PCP4: variants seen among roughly 807,000 people sequenced by gnomAD.
PCP4 encodes calmodulin regulator protein PCP4.
Under a neutral mutation model 10.0 loss-of-function variants are expected in PCP4, and 8 were observed. The ratio of observed to expected loss-of-function variants is 0.80; its 90% CI spans 0.47 to 1.45. PCP4 has a LOEUF of 1.45. Among genes scored for constraint, PCP4 ranks in the 40% most tolerant of loss-of-function variants. PCP4 has a pLI of 0.00. For missense variants in PCP4, 54 were observed against 74.4 expected (o/e 0.73, Z 1.01); for synonymous variants, 21 against 23.0 (o/e 0.91, Z 0.24).
At chr21:39,870,466 T>A (rs1422293230) in intron 1 of PCP4, among the ~76,000 whole-genome samples, 1 of 152,150 alleles carries the variant, frequency 6.6e-6, no homozygotes, top group African/African-American at 2.4e-5. Flanking sequence ...CATCACAGCC[T>A]CAGTTTACAA....
Position 39,927,318 on chromosome 21 carries a change from CT to C in PCP4, c.62-1665del, listed in dbSNP as rs1568863757. Among the ~76,000 whole-genome samples, 191 of 111,870 alleles carry C rather than the reference CT, an allele frequency of 1.7e-3. 2 individuals are homozygous for C. Among genetic ancestry groups the C allele is most frequent in the South Asian group, 3.9e-3 (12 of 3,110 alleles). 73.4% of individuals were successfully genotyped at this position (111,870 alleles called of 152,430 possible). A position where few individuals can be genotyped will look rare whatever the true frequency, so the allele number is the denominator to read the frequency against. ...TCTATCTATCTATCTATCTATCTATCTATCATCTATCTATCTATCTGTCTAT... is the reference window on the plus strand; with the variant it reads ...TCTATCTATCTATCTATCTATCTATCATCATCTATCTATCTATCTGTCTAT... On this transcript the variant is annotated intron_variant, in intron 2 of 2. Coordinates refer to ENST00000328619, the MANE Select transcript of PCP4 (RefSeq NM_006198.3).
At chr21:39,896,246 T>G (rs8134479) in intron 1 of PCP4, among the ~76,000 whole-genome samples, 87 of 152,358 alleles carry the variant, frequency 5.7e-4, no homozygotes, top group African/African-American at 2.0e-3. Context: ...TTGCCTTCCA[T>G]TTAATTTGAC....
At chr21:39,880,118 ATATCTATATCTG>A (rs1294646277) in intron 1 of PCP4, among the ~76,000 whole-genome samples, 16 of 137,996 alleles carry the variant, frequency 1.2e-4, no homozygotes, top group Admixed American at 2.9e-4. Context: ...ATCTATATCT[ATATCTATATCTG>A]TATCTATATC....
At position 39,880,355 on chromosome 21, in the gene PCP4, G is replaced by A. The variant is rs367796311; in HGVS notation, c.9+12845G>A. Among the ~76,000 whole-genome samples, 17 of 152,314 alleles carry A rather than the reference G, an allele frequency of 1.1e-4. No homozygotes were observed. The East Asian group carries it at 3.3e-3, about 29-fold the overall frequency. On this transcript the variant is annotated intron_variant, in intron 1 of 2. Coordinates refer to ENST00000328619, the MANE Select transcript of PCP4 (RefSeq NM_006198.3). Reference sequence around the variant, plus strand: ...TTGAATAAGAAACTATTGTGTTCAAGCATCAGCTTGGCTGGTGCTGAGGAC... The same window carrying A: ...TTGAATAAGAAACTATTGTGTTCAAACATCAGCTTGGCTGGTGCTGAGGAC...
intron 1 of PCP4, among the ~76,000 whole-genome samples, chr21:39,893,502 A>G (rs1034683384): frequency 1.3e-5 from 2 of 152,210 alleles, no homozygotes; most frequent in African/African-American, 2.4e-5. Flanking sequence ...AAGCTGTGTG[A>G]ATTGCTTGGC....
intron 1 of PCP4, among the ~76,000 whole-genome samples, chr21:39,883,068 T>G (rs1469163824): frequency 6.6e-6 from 1 of 152,226 alleles, no homozygotes; most frequent in Non-Finnish European, 1.5e-5. Context: ...ATTCTGAGAC[T>G]AATCTAAGGA....
chr21:39,905,905 G>A (rs1044269060), intron 2 of PCP4, among the ~76,000 whole-genome samples: 3 of 152,082 alleles, frequency 2.0e-5, no homozygotes, highest in East Asian at 3.9e-4. Context: ...AAAATTAGCC[G>A]GGGGTGTGGT....
intron 2 of PCP4, among the ~76,000 whole-genome samples, chr21:39,921,331 C>A (rs1173119513): frequency 6.6e-6 from 1 of 152,200 alleles, no homozygotes; most frequent in African/African-American, 2.4e-5. Flanking sequence ...TGGAACAAGA[C>A]CCAGATCCCA....
chr21:39,872,381 A>G (rs984153513), intron 1 of PCP4, among the ~76,000 whole-genome samples: 2 of 152,176 alleles, frequency 1.3e-5, no homozygotes, highest in South Asian at 2.1e-4. Flanking sequence ...CAATTTGTCT[A>G]TGGTCCTTCT....
intron 1 of PCP4, among the ~76,000 whole-genome samples, chr21:39,869,563 C>T (rs2087310023): frequency 6.6e-6 from 1 of 152,194 alleles, no homozygotes; most frequent in Non-Finnish European, 1.5e-5. Flanking sequence ...TCCCTCCTGC[C>T]CTCTTCTCCC....
At chr21:39,922,937 A>C (rs922405092) in intron 2 of PCP4, among the ~76,000 whole-genome samples, 1 of 152,168 alleles carries the variant, frequency 6.6e-6, no homozygotes, top group Non-Finnish European at 1.5e-5. Context: ...TTTTGGAGCT[A>C]TAGTGATCAA....
At chr21:39,909,265 C>T (rs1326978419) in intron 2 of PCP4, among the ~76,000 whole-genome samples, 2 of 152,154 alleles carry the variant, frequency 1.3e-5, no homozygotes, top group Non-Finnish European at 2.9e-5. Flanking sequence ...CTTTTACTAT[C>T]GCTTTTTCCT....
intron 1 of PCP4, among the ~76,000 whole-genome samples, chr21:39,874,289 A>G (rs1735938495): frequency 6.6e-6 from 1 of 152,168 alleles, no homozygotes; most frequent in South Asian, 2.1e-4. Flanking sequence ...GCCATACACG[A>G]GTCAGACCTC....
chr21:39,894,484 A>G (rs138737794), intron 1 of PCP4, among the ~76,000 whole-genome samples: 90 of 152,338 alleles, frequency 5.9e-4, no homozygotes, highest in African/African-American at 2.0e-3. Context: ...CCTGCATTAA[A>G]TTGGTCATTG....
chr21:39,887,346 T>TC (rs1415772187), intron 1 of PCP4, among the ~76,000 whole-genome samples: 2 of 142,962 alleles, frequency 1.4e-5, no homozygotes, highest in Non-Finnish European at 3.0e-5. Flanking sequence ...AACTTTTTTT[T>TC]TGTTTTTTGG....
At chr21:39,874,666 T>TC (rs934169829) in intron 1 of PCP4, among the ~76,000 whole-genome samples, 10 of 150,802 alleles carry the variant, frequency 6.6e-5, no homozygotes, top group Non-Finnish European at 1.3e-4. Context: ...AAGATCTTTT[T>TC]TTTTTTTCTA....
chr21:39,898,065 A>AAG (rs1308487473), intron 1 of PCP4, among the ~76,000 whole-genome samples: 13 of 151,652 alleles, frequency 8.6e-5, no homozygotes, highest in Admixed American at 6.6e-5. Flanking sequence ...AAAAAAAAAA[A>AAG]AAGAAGACAT....
intron 2 of PCP4, among the ~76,000 whole-genome samples, chr21:39,922,200 T>C (rs2087599821): frequency 6.6e-6 from 1 of 152,202 alleles, no homozygotes; most frequent in African/African-American, 2.4e-5. Context: ...GGTAGTATAA[T>C]AGTTCCTAAC....
intron 2 of PCP4, among the ~76,000 whole-genome samples, chr21:39,908,573 G>T (rs79462095): frequency 0.011 from 1,718 of 152,280 alleles, 29 homozygotes; most frequent in African/African-American, 0.038. Context: ...CACAGACTGT[G>T]GGCTTCCAGA....
Sources: gnomAD v4.1 joint callset for allele counts (sites outside exome capture counted in the v4.1 genomes callset) on GRCh38, gnomAD v4.1.1 for gene constraint, MANE v1.5 for transcripts, NCBI Gene and HGNC (gene_info 2026-07-23, HGNC 2026-07-21) for gene names.